DOCK8: variants seen among roughly 807,000 people sequenced by gnomAD.
DOCK8 encodes dedicator of cytokinesis 8.
In DOCK8, 141 loss-of-function variants were observed where a neutral mutation model predicts 245.6. The observed-to-expected ratio is 0.57, with a 90% confidence interval of 0.50 to 0.66. The LOEUF (loss-of-function observed/expected upper bound fraction) is 0.66. DOCK8 is among the 30% of genes least tolerant of loss of function. The pLI, the probability that DOCK8 is intolerant of heterozygous loss-of-function variation, is 0.00. For missense variants in DOCK8, 2,965 were observed against 2,603.4 expected (o/e 1.14, Z -3.02); for synonymous variants, 1,168 against 970.2 (o/e 1.20, Z -3.79).
chr9:267,459 G>C (rs1383892312), intron 1 of DOCK8, among the ~76,000 whole-genome samples: 1 of 152,208 alleles, frequency 6.6e-6, no homozygotes, highest in Non-Finnish European at 1.5e-5. Context: ...ACCTGCTTTG[G>C]CCTCCCAAAG....
In DOCK8 at chr9:370,278, A is replaced by C. The variant is rs773554784; in HGVS notation, c.1846A>C (p.Thr616Pro). Residue 616 changes from threonine (T) to proline (P), a missense_variant, in exon 16 of 48, where the codon ACA (threonine) becomes CCA (proline). Thr to Pro is a conservative substitution (Grantham distance 38). Around this residue, in one of 3 missense-constraint regions of DOCK8, gnomAD observed 2,825 missense variants for 2,453.5 expected, o/e 1.15. Transcript: ENST00000432829. Reference sequence around the variant, plus strand: ...GCCTGAATTTCTGCAGGAAGTGTACACAGCTGTTACATACCATAATAAGTA... The same window carrying C: ...GCCTGAATTTCTGCAGGAAGTGTACCCAGCTGTTACATACCATAATAAGTA... ...SGPEFLQEVY[T>P]AVTYHNKSPD... is the part of the protein sequence containing the mutation. The C allele has an allele frequency of 6.2e-7, 1 of 1,614,094 alleles. No homozygotes were observed. The highest frequency in any genetic ancestry group is 8.5e-7 in the Non-Finnish European group (1 of 1,179,912).
intron 26 of DOCK8, among the ~76,000 whole-genome samples, chr9:400,049 CCATCACCACCTCCTTCACCATCACCAT>C (rs2054717355): frequency 8.7e-6 from 1 of 114,782 alleles, no homozygotes; most frequent in Admixed American, 8.2e-5. Context: ...ACCACCTCCA[CCATCACCACCTCCTTCACCATCACCAT>C]CACCACCACC....
intron 5 of DOCK8, among the ~76,000 whole-genome samples, chr9:307,391 C>CTTTTTTTTTTTTT (rs2049894842): frequency 1.1e-5 from 1 of 94,368 alleles, no homozygotes; most frequent in African/African-American, 4.7e-5. Flanking sequence ...TGGAGTTTTG[C>CTTTTTTTTTTTTT]TCTTATTGCC....
At chr9:389,372 C>G (rs374637935) in intron 23 of DOCK8, among the ~76,000 whole-genome samples, 1 of 152,200 alleles carries the variant, frequency 6.6e-6, no homozygotes, top group Non-Finnish European at 1.5e-5. Context: ...CAAAGTGGAG[C>G]TGGGGGACTT....
At chr9:458,659 A>G (rs998860331) in intron 46 of DOCK8, among the ~76,000 whole-genome samples, 2 of 152,064 alleles carry the variant, frequency 1.3e-5, no homozygotes, top group African/African-American at 4.8e-5. Flanking sequence ...AAAATACAAA[A>G]AAAATTAACC....
chr9:419,933 A>C (rs961425616), intron 30 of DOCK8, among the ~76,000 whole-genome samples: 2 of 152,268 alleles, frequency 1.3e-5, no homozygotes, highest in Non-Finnish European at 2.9e-5. Context: ...GTAACAAAGA[A>C]GCTAAATCTT....
chr9:314,626 G>A (rs192074242), intron 6 of DOCK8, among the ~76,000 whole-genome samples: 12 of 152,286 alleles, frequency 7.9e-5, no homozygotes, highest in Non-Finnish European at 1.3e-4. Flanking sequence ...GTAAACTGGC[G>A]TGTCTAAAAT....
At chr9:264,044 T>A (rs2047982552) in intron 1 of DOCK8, among the ~76,000 whole-genome samples, 1 of 152,212 alleles carries the variant, frequency 6.6e-6, no homozygotes, top group Non-Finnish European at 1.5e-5. Flanking sequence ...CTCCTCCTCC[T>A]TTGGGATCCA....
chr9:412,819 A>G (rs769023041), intron 28 of DOCK8, among the ~76,000 whole-genome samples: 6 of 152,142 alleles, frequency 3.9e-5, no homozygotes, highest in South Asian at 4.1e-4. Flanking sequence ...TAAAATAGCA[A>G]TACTCCCCAA....
At position 311,989 on chromosome 9, in the gene DOCK8, G is replaced by C. The variant is rs962197023; in HGVS notation, c.564G>C (p.Val188=). ...GPRHLNVLCD[V]SGKGPVTACD... ...GCCACTTAAACGTGCTGTGCGACGT[G>C]TCTGGGAAAGGCCCCGTCACTGCCT... Residue 188 remains valine, a synonymous_variant, in exon 6 of 48, where the codon GTG becomes GTC. Coordinates refer to ENST00000432829, the MANE Select transcript of DOCK8 (RefSeq NM_203447.4). 2 of 1,614,170 alleles carry C rather than the reference G, an allele frequency of 1.2e-6. No homozygotes were observed. The highest frequency in any genetic ancestry group is 1.7e-6 in the Non-Finnish European group (2 of 1,180,042).
chr9:401,223 T>C (rs922435744), intron 26 of DOCK8, among the ~76,000 whole-genome samples: 35 of 151,718 alleles, frequency 2.3e-4, no homozygotes, highest in African/African-American at 8.5e-4. Context: ...TTGAGAGATT[T>C]GAGGGCTGAT....
intron 43 of DOCK8, among the ~76,000 whole-genome samples, chr9:445,933 G>GC (rs2057239068): frequency 6.6e-6 from 1 of 152,202 alleles, no homozygotes; most frequent in Admixed American, 6.5e-5. Context: ...CTCTGTGTAT[G>GC]ACAGCTCTAG....
At chr9:275,391 A>G (rs1445969613) in intron 2 of DOCK8, among the ~76,000 whole-genome samples, 1 of 152,132 alleles carries the variant, frequency 6.6e-6, no homozygotes, top group Non-Finnish European at 1.5e-5. Flanking sequence ...ATAGGAGGCA[A>G]AGGCTTGATT....
chr9:375,154 A>C (rs1249610391), intron 18 of DOCK8, among the ~76,000 whole-genome samples: 1 of 152,196 alleles, frequency 6.6e-6, no homozygotes, highest in Non-Finnish European at 1.5e-5. Flanking sequence ...TGTAGGCTAG[A>C]GCCCACTTTG....
At chr9:341,052 C>T (rs761462596) in intron 14 of DOCK8, among the ~76,000 whole-genome samples, 1 of 152,228 alleles carries the variant, frequency 6.6e-6, no homozygotes, top group Non-Finnish European at 1.5e-5. Context: ...TAATAGCACA[C>T]ATTCCAATAG....
chr9:453,352 A>AGTT (rs34176078), intron 46 of DOCK8, among the ~76,000 whole-genome samples: 10,392 of 152,304 alleles, frequency 0.068, 392 homozygotes, highest in Middle Eastern at 0.086. Flanking sequence ...CAGAAAAACT[A>AGTT]GTTGTTGTTG....
At chr9:435,199 C>G (rs957808952) in intron 39 of DOCK8, among the ~76,000 whole-genome samples, 13 of 152,216 alleles carry the variant, frequency 8.5e-5, no homozygotes, top group African/African-American at 2.9e-4. Context: ...CCCCAAATGT[C>G]TGTAGTGCTA....
intron 5 of DOCK8, among the ~76,000 whole-genome samples, chr9:305,443 C>T (rs1190044308): frequency 1.3e-5 from 2 of 151,646 alleles, no homozygotes; most frequent in African/African-American, 4.9e-5. Context: ...CCACCACGCC[C>T]AGCTAATTTC....
chr9:221,100 T>TGACACCTCTGG (rs2046872604), intron 1 of DOCK8, among the ~76,000 whole-genome samples: 1 of 152,184 alleles, frequency 6.6e-6, no homozygotes, highest in African/African-American at 2.4e-5. Context: ...AAAAACAGAT[T>TGACACCTCTGG]GACACCTCTG....
Sources: gnomAD v4.1 joint callset for allele counts (sites outside exome capture counted in the v4.1 genomes callset) on GRCh38, gnomAD v4.1.1 for gene constraint, gnomAD v4.1.1 regional missense constraint, MANE v1.5 for transcripts, NCBI Gene and HGNC (gene_info 2026-07-23, HGNC 2026-07-21) for gene names.